Variants in RFX4 observed in about 807,000 individuals in gnomAD.
RFX4 encodes transcription factor RFX4.
A neutral mutation model predicts 95.0 loss-of-function variants in RFX4; 10 were observed. That is an observed-to-expected ratio of 0.11 (90% CI 0.06 to 0.18). The LOEUF (loss-of-function observed/expected upper bound fraction) is 0.18. RFX4 is among the 10% of genes least tolerant of loss of function. The pLI, the probability that RFX4 is intolerant of heterozygous loss-of-function variation, is 1.00. For synonymous variants in RFX4, 321 were observed against 340.7 expected, an observed-to-expected ratio of 0.94 and a Z score of 0.64; for missense variants, 640 against 922.0, an observed-to-expected ratio of 0.69 and a Z score of 3.96.
At chr12:106,726,780 C>CT (rs1277220183) in intron 13 of RFX4, among the ~76,000 whole-genome samples, 8 of 151,280 alleles carry the variant, frequency 5.3e-5, no homozygotes, top group African/African-American at 1.5e-4. Flanking sequence ...CTCAACCACA[C>CT]TTTTTTTTTG....
chr12:106,709,230 G>A, intron 8 of RFX4, 100 bp from the exon 9 acceptor site: 1 of 893,472 alleles, frequency 1.1e-6, no homozygotes, highest in Non-Finnish European at 1.8e-6. Flanking sequence ...CCTATTGGTA[G>A]CAGCCAAAAC....
At chr12:106,685,044 G>T (rs1453168271) in intron 5 of RFX4, 3 of 1,487,636 alleles carry the variant, frequency 2.0e-6, no homozygotes, top group African/African-American at 2.8e-5. Flanking sequence ...GTATCTCCAT[G>T]GGTAGAGAAA....
chr12:106,701,352 A>G (rs1487475261), intron 8 of RFX4, among the ~76,000 whole-genome samples: 1 of 151,838 alleles, frequency 6.6e-6, no homozygotes, highest in Non-Finnish European at 1.5e-5. Context: ...ATGTGTCTCA[A>G]TGCTTTGTGT....
At chr12:106,633,647 T>C (rs1051301104) in intron 2 of RFX4, among the ~76,000 whole-genome samples, 1 of 152,206 alleles carries the variant, frequency 6.6e-6, no homozygotes, top group Non-Finnish European at 1.5e-5. Flanking sequence ...GTCCACACAG[T>C]TGGGGGCAAT....
intron 1 of RFX4, among the ~76,000 whole-genome samples, chr12:106,587,851 G>C (rs1434910815): frequency 1.3e-5 from 2 of 152,228 alleles, no homozygotes; most frequent in Non-Finnish European, 2.9e-5. Flanking sequence ...CGTCTGGCCA[G>C]AAATCTTGCG....
At position 106,583,489 on chromosome 12, in the gene RFX4, C is replaced by A; in HGVS notation, c.43+126C>A. ...TTGACAGTGGAACCCCAAAGAATAA[C>A]GCAGAGCTTGCAGAAGTTTTCAATT... On this transcript the variant is annotated intron_variant, in intron 1 of 17. Coordinates refer to ENST00000392842, the MANE Select transcript of RFX4 (RefSeq NM_213594.3). 4.7e-6 allele frequency: 4 copies of A among 854,838 alleles called. No individual in the cohort carries two copies. The South Asian group carries it at 6.5e-5, about 14-fold the overall frequency. The allele number at this position is 854,838 out of a possible 1,614,324, so 53.0% of individuals were successfully genotyped here.
At chr12:106,632,322 G>A (rs539044984) in intron 2 of RFX4, among the ~76,000 whole-genome samples, 1 of 152,294 alleles carries the variant, frequency 6.6e-6, no homozygotes, top group Admixed American at 6.5e-5. Flanking sequence ...CTCCAGCCTT[G>A]GCAGGACCAT....
chr12:106,700,556 G>A lies in RFX4; in HGVS notation c.833+4110G>A, dbSNP rs530830940. Among the ~76,000 whole-genome samples the A allele has an allele frequency of 7.9e-3, 1,190 of 151,244 alleles. 25 individuals are homozygous for A. Among genetic ancestry groups the A allele is most frequent in the African/African-American group, 0.028 (1,132 of 41,130 alleles). On this transcript the variant is annotated intron_variant, in intron 8 of 17. Transcript: ENST00000392842. ...CGAGTAGCTGGGACTACAGGCGCCA[G>A]CTACCACGCCCGGCTAATTTTTTGT... is the stretch of plus-strand genomic sequence containing the variant.
chr12:106,670,776 T>C (rs1462359424), intron 4 of RFX4, among the ~76,000 whole-genome samples: 4 of 152,188 alleles, frequency 2.6e-5, no homozygotes, highest in Non-Finnish European at 5.9e-5. Flanking sequence ...TGAGATAGGA[T>C]GTTTTACAGT....
chr12:106,715,637 G>C lies in RFX4; in HGVS notation c.1138+93G>C, dbSNP rs943528954. The C allele has an allele frequency of 1.1e-5, 15 of 1,391,942 alleles. No homozygotes were observed. The African/African-American group carries it at 2.1e-4, about 20-fold the overall frequency. The allele number at this position is 1,391,942 out of a possible 1,614,324, so 86.2% of individuals were successfully genotyped here. A position where few individuals can be genotyped will look rare whatever the true frequency, so the allele number is the denominator to read the frequency against. ...AATACCGAAGTGGCATCCCCACCCTGTTCTTCCCAGCATCTCTTCCTCCTT... is the reference window on the plus strand; with the variant it reads ...AATACCGAAGTGGCATCCCCACCCTCTTCTTCCCAGCATCTCTTCCTCCTT... On this transcript the variant is annotated intron_variant, in intron 11 of 17. Coordinates refer to ENST00000392842, the MANE Select transcript of RFX4 (RefSeq NM_213594.3).
intron 1 of RFX4, among the ~76,000 whole-genome samples, chr12:106,599,703 CT>C (rs1170197173): frequency 1.3e-5 from 2 of 151,362 alleles, no homozygotes; most frequent in Admixed American, 6.6e-5. Context: ...CCACTACATT[CT>C]TTTTTTTTAA....
At chr12:106,730,479 C>T (rs1297318596) in intron 13 of RFX4, among the ~76,000 whole-genome samples, 7 of 152,156 alleles carry the variant, frequency 4.6e-5, no homozygotes, top group African/African-American at 1.4e-4. Context: ...AGGCAAATCC[C>T]TACTTGATTA....
chr12:106,707,723 T>C (rs1279572672), intron 8 of RFX4, among the ~76,000 whole-genome samples: 3 of 152,056 alleles, frequency 2.0e-5, no homozygotes, highest in Middle Eastern at 3.2e-3. Context: ...TTTGAAGAAG[T>C]CTGTCTGTGA....
chr12:106,708,710 G>A (rs544870147), intron 8 of RFX4, among the ~76,000 whole-genome samples: 7 of 152,158 alleles, frequency 4.6e-5, no homozygotes, highest in Non-Finnish European at 8.8e-5. Context: ...AATGGTGCCC[G>A]GTGTCTTCTC....
intron 6 of RFX4, among the ~76,000 whole-genome samples, chr12:106,687,978 G>A (rs2041695976): frequency 6.6e-6 from 1 of 151,462 alleles, no homozygotes. Context: ...TAGGTATAGT[G>A]AATCTGATAG....
chr12:106,586,637 T>C lies in RFX4; in HGVS notation c.43+3274T>C, dbSNP rs2039462207. Among the ~76,000 whole-genome samples, 1 of 152,140 alleles carries C rather than the reference T, an allele frequency of 6.6e-6. No individual in the cohort carries two copies. The highest frequency in any genetic ancestry group is 2.4e-5 in the African/African-American group (1 of 41,450). On this transcript the variant is annotated intron_variant, in intron 1 of 17. Coordinates refer to ENST00000392842, the MANE Select transcript of RFX4 (RefSeq NM_213594.3). The surrounding 1 kb of genome is among the most constrained non-coding windows in gnomAD (Gnocchi z 5.6). ...GAACCCAGAGCTGAGGCGGCCAAAG[T>C]ACTTCCTGGAGCCGGATTTGAGTTC...
At chr12:106,626,131 C>T (rs181257731) in intron 2 of RFX4, among the ~76,000 whole-genome samples, 2 of 152,208 alleles carry the variant, frequency 1.3e-5, no homozygotes, top group Admixed American at 6.5e-5. Flanking sequence ...CAAGAGTGAT[C>T]CTGGCCTATA....
intron 2 of RFX4, among the ~76,000 whole-genome samples, chr12:106,610,407 C>A (rs2039937319): frequency 6.6e-6 from 1 of 152,162 alleles, no homozygotes; most frequent in South Asian, 2.1e-4. Context: ...CCATTCATTT[C>A]CAGAGCTTTC....
chr12:106,618,689 AC>A (rs1410618717), intron 2 of RFX4, among the ~76,000 whole-genome samples: 2 of 152,034 alleles, frequency 1.3e-5, no homozygotes, highest in African/African-American at 4.8e-5. Context: ...TTTTTGAAAA[AC>A]AAAACCCAGT....
Sources: allele counts gnomAD v4.1 joint callset (sites outside exome capture counted in the v4.1 genomes callset), GRCh38; gene constraint gnomAD v4.1.1; non-coding constraint Gnocchi (gnomAD v3.1); transcripts MANE v1.5; gene names NCBI Gene and HGNC (gene_info 2026-07-23, HGNC 2026-07-21).